Variants in NTM observed in about 807,000 individuals in gnomAD.
NTM encodes the protein IgLON family member 2.
A neutral mutation model predicts 42.1 loss-of-function variants in NTM; 13 were observed. The observed-to-expected ratio is 0.31, with a 90% CI of 0.20 to 0.49. The LOEUF (loss-of-function observed/expected upper bound fraction) is 0.49, where lower values mean the gene tolerates loss of function less well. Among genes scored for constraint, NTM ranks in the 20% least tolerant of loss-of-function variants. NTM has a pLI of 0.99. For missense variants in NTM, 373 were observed against 452.8 expected (o/e 0.82, Z 1.60); for synonymous variants, 187 against 179.2 (o/e 1.04, Z -0.35).
chr11:131,401,826 A>ATATGTGTG (rs1555101774), intron 1 of NTM, among the ~76,000 whole-genome samples: 1 of 60,566 alleles, frequency 1.7e-5, no homozygotes, highest in Admixed American at 1.7e-4. Context: ...ATATATATAT[A>ATATGTGTG]TATATATATA....
chr11:131,710,134 C>A (rs894524870), intron 1 of NTM, among the ~76,000 whole-genome samples: 4 of 152,092 alleles, frequency 2.6e-5, no homozygotes, highest in Non-Finnish European at 5.9e-5. Context: ...GACAGAAAGG[C>A]TGAACAAACC....
intron 1 of NTM, among the ~76,000 whole-genome samples, chr11:131,426,683 G>T (rs956219106): frequency 1.3e-5 from 2 of 152,140 alleles, no homozygotes; most frequent in Non-Finnish European, 2.9e-5. Flanking sequence ...TTGTCGGAAG[G>T]CCCACCTGTC....
At chr11:131,959,305 A>G (rs186513542) in intron 2 of NTM, among the ~76,000 whole-genome samples, 6 of 152,278 alleles carry the variant, frequency 3.9e-5, no homozygotes, top group Non-Finnish European at 7.4e-5. Context: ...TTTCTGTCTT[A>G]AAGTTCTTCG....
chr11:131,564,994 G>T (rs567223389), intron 1 of NTM, among the ~76,000 whole-genome samples: 7 of 152,218 alleles, frequency 4.6e-5, no homozygotes, highest in African/African-American at 9.7e-5. Flanking sequence ...CACCTACACC[G>T]CCATGCGGTA....
intron 2 of NTM, among the ~76,000 whole-genome samples, chr11:132,121,380 A>G (rs2064795619): frequency 6.6e-6 from 1 of 152,224 alleles, no homozygotes; most frequent in East Asian, 1.9e-4. Flanking sequence ...TATAACAGAA[A>G]ATACTGAAAA....
intron 4 of NTM, among the ~76,000 whole-genome samples, chr11:132,282,217 T>C (rs780418901): frequency 1.4e-4 from 21 of 152,234 alleles, no homozygotes; most frequent in Non-Finnish European, 2.9e-4. Flanking sequence ...TGAAGGACAA[T>C]AAATTGCCGT....
intron 1 of NTM, among the ~76,000 whole-genome samples, chr11:131,874,287 G>A (rs773287434): frequency 6.9e-4 from 105 of 151,152 alleles, no homozygotes; most frequent in Middle Eastern, 3.4e-3. Flanking sequence ...ATAAATCTAG[G>A]GCATGTGGCA....
At position 131,598,739 on chromosome 11, in the gene NTM, C is replaced by T. The variant is rs549770914; in HGVS notation, c.82+227851C>T. 1.4e-3 allele frequency among the ~76,000 whole-genome samples: 117 copies of T among 85,270 alleles called. 11 individuals are homozygous for T. Among genetic ancestry groups the T allele is most frequent in the South Asian group, 1.8e-3 (4 of 2,178 alleles). The allele number at this position is 85,270 out of a possible 152,430, so 55.9% of individuals were successfully genotyped here. Reference sequence around the variant, plus strand: ...TCTTTCTTTCTTTCTTTCTTTCTTTCTTTCTTTCTTTCTTTCTTCTTTCTT... The same window carrying T: ...TCTTTCTTTCTTTCTTTCTTTCTTTTTTTCTTTCTTTCTTTCTTCTTTCTT... On this transcript the variant is annotated intron_variant, in intron 1 of 8. Transcript: ENST00000683400.
intron 3 of NTM, among the ~76,000 whole-genome samples, chr11:132,188,431 C>G (rs2078775820): frequency 6.6e-6 from 1 of 152,142 alleles, no homozygotes; most frequent in South Asian, 2.1e-4. Flanking sequence ...TGAAGAGGTT[C>G]CTTCTCCTCC....
intron 1 of NTM, among the ~76,000 whole-genome samples, chr11:131,863,010 A>G (rs1332909835): frequency 6.6e-6 from 1 of 152,232 alleles, no homozygotes; most frequent in Non-Finnish European, 1.5e-5. Flanking sequence ...GGGTAGTACA[A>G]GAACAAGACA....
intron 3 of NTM, among the ~76,000 whole-genome samples, chr11:132,179,088 A>G (rs1032313738): frequency 6.6e-6 from 1 of 152,168 alleles, no homozygotes; most frequent in African/African-American, 2.4e-5. Flanking sequence ...ATAAAAGAGA[A>G]TTGCTCTTCT....
At chr11:131,594,265 T>A (rs1320464611) in intron 1 of NTM, among the ~76,000 whole-genome samples, 1 of 152,188 alleles carries the variant, frequency 6.6e-6, no homozygotes, top group Non-Finnish European at 1.5e-5. Context: ...TTTTTTGAAA[T>A]CCAATACAAC....
At chr11:131,865,886 T>C (rs1217309167) in intron 1 of NTM, among the ~76,000 whole-genome samples, 15 of 65,370 alleles carry the variant, frequency 2.3e-4, no homozygotes, top group Admixed American at 2.9e-4. Context: ...CACACACACC[T>C]CCCACATTCA....
chr11:131,676,418 G>C (rs2071394937), intron 1 of NTM, among the ~76,000 whole-genome samples: 1 of 152,010 alleles, frequency 6.6e-6, no homozygotes, highest in South Asian at 2.1e-4. Context: ...AGTTTTTCTA[G>C]CACTGAGGGT....
intron 2 of NTM, among the ~76,000 whole-genome samples, chr11:132,031,793 G>C (rs75788414): frequency 0.021 from 3,254 of 152,192 alleles, 46 homozygotes; most frequent in South Asian, 0.055. Flanking sequence ...ACATGTCTTG[G>C]ATGTTGAAAA....
intron 1 of NTM, among the ~76,000 whole-genome samples, chr11:131,812,747 A>T (rs761840020): frequency 7.9e-5 from 12 of 152,178 alleles, no homozygotes; most frequent in Non-Finnish European, 1.6e-4. Flanking sequence ...GGGGACTTGA[A>T]GGTAGCAAAG....
intron 2 of NTM, among the ~76,000 whole-genome samples, chr11:131,973,925 C>T (rs2134745567): frequency 6.6e-6 from 1 of 152,272 alleles, no homozygotes; most frequent in Middle Eastern, 3.4e-3. Flanking sequence ...TTTCTTCTGC[C>T]TGTGCCACCC....
At chr11:131,737,621 T>C (rs956854969) in intron 1 of NTM, among the ~76,000 whole-genome samples, 11 of 152,098 alleles carry the variant, frequency 7.2e-5, no homozygotes, top group Non-Finnish European at 1.3e-4. Flanking sequence ...TAGATCTGGG[T>C]TTTGCAATGT....
At chr11:131,657,736 T>C (rs1379483124) in intron 1 of NTM, among the ~76,000 whole-genome samples, 2 of 152,242 alleles carry the variant, frequency 1.3e-5, no homozygotes, top group Non-Finnish European at 2.9e-5. Flanking sequence ...CACAATCTTT[T>C]ATCTGCAAAT....
Sources: allele counts gnomAD v4.1 joint callset (sites outside exome capture counted in the v4.1 genomes callset), GRCh38; gene constraint gnomAD v4.1.1; transcripts MANE v1.5; gene names NCBI Gene and HGNC (gene_info 2026-07-23, HGNC 2026-07-21).